BCL11A: variants seen among roughly 807,000 people sequenced by gnomAD.
BCL11A encodes the protein BCL11 transcription factor A, also known as B cell CLL/lymphoma 11A.
In BCL11A, 2 loss-of-function variants were observed where a neutral mutation model predicts 55.9. The observed-to-expected ratio is 0.04, with a 90% CI of 0.01 to 0.11. BCL11A has a LOEUF of 0.11. Ranked by LOEUF, BCL11A falls within the 10% of genes least tolerant of loss-of-function variation. The pLI, the probability that BCL11A is intolerant of heterozygous loss-of-function variation, is 1.00. For synonymous variants in BCL11A, 465 were observed against 473.4 expected (o/e 0.98, Z 0.23); for missense variants, 817 against 1,137.1 (o/e 0.72, Z 4.05).
intron 1 of BCL11A, 47 bp downstream of exon 1, chr2:60,553,169 C>G: frequency 6.4e-7 from 1 of 1,560,448 alleles, no homozygotes; most frequent in Non-Finnish European, 8.7e-7. Context: ...GTCCTGCGCG[C>G]TCTCGTGATT....
At chr2:60,507,779 C>T (rs921589218) in intron 2 of BCL11A, among the ~76,000 whole-genome samples, 4 of 151,496 alleles carry the variant, frequency 2.6e-5, no homozygotes, top group Admixed American at 6.6e-5. Flanking sequence ...GCGACGGGTG[C>T]GGGGAGAAGG....
chr2:60,495,006 G>A (rs1678862989), intron 2 of BCL11A, among the ~76,000 whole-genome samples: 1 of 152,152 alleles, frequency 6.6e-6, no homozygotes. Context: ...CCCGACAGAT[G>A]AAAAATGGAC....
chr2:60,458,957 G>C lies in BCL11A; in HGVS notation c.*1447C>G, dbSNP rs1676084139. ...GAAAAGAAATGAAGTACAACTTTTA[G>C]GGAGCACAGACATATATACTGCTAC... On this transcript the variant is annotated 3_prime_UTR_variant, in exon 4 of 4. Coordinates refer to ENST00000642384, the MANE Select transcript of BCL11A (RefSeq NM_022893.4). 9.7e-7 allele frequency: 1 copy of C among 1,033,550 alleles called. No homozygotes were observed. Among genetic ancestry groups the C allele is most frequent in the African/African-American group, 1.7e-5 (1 of 59,294 alleles). 64.0% of individuals were successfully genotyped at this position (1,033,550 alleles called of 1,614,324 possible).
chr2:60,532,552 G>C lies in BCL11A; in HGVS notation c.385+13419C>G, dbSNP rs1669506221. Among the ~76,000 whole-genome samples, 3 of 151,182 alleles carry C rather than the reference G, an allele frequency of 2.0e-5. No individual in the cohort carries two copies. The South Asian group carries it at 6.3e-4, about 32-fold the overall frequency. Reference sequence around the variant, plus strand: ...TGGTTTACTGATTTACAGAACCTTGGTATGTGAATGGCGAAAAAGAAAAAA... The same window carrying C: ...TGGTTTACTGATTTACAGAACCTTGCTATGTGAATGGCGAAAAAGAAAAAA... On this transcript the variant is annotated intron_variant, in intron 2 of 3. Coordinates refer to ENST00000642384, the MANE Select transcript of BCL11A (RefSeq NM_022893.4).
chr2:60,506,705 C>T (rs1043341125), intron 2 of BCL11A, among the ~76,000 whole-genome samples: 10 of 152,200 alleles, frequency 6.6e-5, no homozygotes, highest in African/African-American at 2.4e-4. Flanking sequence ...GATGACAGCC[C>T]CCCGCATGTT....
intron 2 of BCL11A, among the ~76,000 whole-genome samples, chr2:60,520,887 T>G (rs1668949519): frequency 6.6e-6 from 1 of 152,116 alleles, no homozygotes; most frequent in African/African-American, 2.4e-5. Flanking sequence ...GCCCCTTCTT[T>G]GCAGAAAAAA....
Position 60,553,319 on chromosome 2 carries a change from G to C in BCL11A, c.-49C>G, listed in dbSNP as rs746260356. ...GCGGCGGCGGCGGCGGCGGCGGGCG[G>C]ACGACGGCTCGGTTCACATCGGGAG... is the stretch of plus-strand genomic sequence containing the variant. On this transcript the variant is annotated 5_prime_UTR_variant, in exon 1 of 4. Transcript: ENST00000642384. 1 of 1,501,252 alleles carries C rather than the reference G, an allele frequency of 6.7e-7. No homozygotes were observed. The allele number at this position is 1,501,252 out of a possible 1,614,324, so 93.0% of individuals were successfully genotyped here.
chr2:60,553,101 C>G, intron 1 of BCL11A, 115 bp downstream of exon 1: 1 of 1,128,742 alleles, frequency 8.9e-7, no homozygotes, highest in Non-Finnish European at 1.2e-6. Flanking sequence ...AGGTTTTTCT[C>G]GTGAAAAATT....
intron 2 of BCL11A, among the ~76,000 whole-genome samples, chr2:60,479,667 A>G (rs934473178): frequency 2.0e-5 from 3 of 152,206 alleles, no homozygotes; most frequent in Non-Finnish European, 4.4e-5. Context: ...ACCAGGCAAG[A>G]ACCGTCCTGT....
rs986276279 is a variant in BCL11A, at chr2:60,459,043, T to C, written c.*1361A>G. On this transcript the variant is annotated 3_prime_UTR_variant, in exon 4 of 4. Coordinates refer to ENST00000642384, the MANE Select transcript of BCL11A (RefSeq NM_022893.4). ...CACATTTAAATGCAAGTCTTAAGAA[T>C]TCATAGTTAATCATCATTGTATCAA... is the stretch of plus-strand genomic sequence containing the variant. The C allele has an allele frequency of 1.2e-5, 12 of 1,018,000 alleles. No individual in the cohort carries two copies. In the Admixed American group the frequency reaches 2.9e-4, roughly 24 times the overall value. The allele number at this position is 1,018,000 out of a possible 1,614,324, so 63.1% of individuals were successfully genotyped here.
chr2:60,539,318 T>C (rs1669813667), intron 2 of BCL11A, among the ~76,000 whole-genome samples: 1 of 152,198 alleles, frequency 6.6e-6, no homozygotes, highest in African/African-American at 2.4e-5. Flanking sequence ...TAAAGGCAAA[T>C]GAAGCTCACC....
At chr2:60,545,122 C>G (rs1670090189) in intron 2 of BCL11A, 1 of 152,178 alleles carries the variant, frequency 6.6e-6, no homozygotes, top group African/African-American at 2.4e-5. Context: ...CTGTGTAAAC[C>G]ACAAACAAAA....
intron 2 of BCL11A, among the ~76,000 whole-genome samples, chr2:60,469,195 G>T (rs1026590269): frequency 5.3e-5 from 8 of 152,204 alleles, no homozygotes; most frequent in African/African-American, 1.9e-4. Flanking sequence ...CTGGAAACAT[G>T]GGGGGATTTT....
upstream of BCL11A, chr2:60,553,849 G>A (rs1670525118): frequency 6.7e-6 from 1 of 148,630 alleles, no homozygotes; most frequent in Non-Finnish European, 1.5e-5. Flanking sequence ...GCGGGCCGAG[G>A]GGAGGGGGCG....
intron 2 of BCL11A, among the ~76,000 whole-genome samples, chr2:60,513,551 T>C (rs1158236737): frequency 6.6e-6 from 1 of 152,182 alleles, no homozygotes; most frequent in Non-Finnish European, 1.5e-5. Flanking sequence ...AATCTTCATG[T>C]CCTGTCTGGA....
At chr2:60,473,309 C>T (rs948455872) in intron 2 of BCL11A, among the ~76,000 whole-genome samples, 5 of 150,604 alleles carry the variant, frequency 3.3e-5, no homozygotes, top group South Asian at 2.1e-4. Context: ...TGGGCTATCT[C>T]GTGACACTGT....
chr2:60,539,517 C>T (rs1558506885), intron 2 of BCL11A, among the ~76,000 whole-genome samples: 2 of 152,134 alleles, frequency 1.3e-5, no homozygotes, highest in Non-Finnish European at 2.9e-5. Flanking sequence ...GTGCAGCTGG[C>T]CAGTAAAAAG....
At chr2:60,551,482 C>G (rs1245483893) in intron 1 of BCL11A, among the ~76,000 whole-genome samples, 1 of 152,148 alleles carries the variant, frequency 6.6e-6, no homozygotes, top group Non-Finnish European at 1.5e-5. Flanking sequence ...GTGACCAGAC[C>G]GGGCGGGGTG....
At chr2:60,465,999 C>T (rs1676585037) in intron 3 of BCL11A, among the ~76,000 whole-genome samples, 1 of 152,166 alleles carries the variant, frequency 6.6e-6, no homozygotes, top group Non-Finnish European at 1.5e-5. Flanking sequence ...CCAGGGGCAG[C>T]AGGTTAATGC....
Sources: allele counts gnomAD v4.1 joint callset (sites outside exome capture counted in the v4.1 genomes callset), GRCh38; gene constraint gnomAD v4.1.1; transcripts MANE v1.5; gene names NCBI Gene and HGNC (gene_info 2026-07-23, HGNC 2026-07-21).